Variants in TMPRSS2 observed in about 807,000 individuals in gnomAD.
The protein encoded by TMPRSS2 is transmembrane serine protease 2.
A neutral mutation model predicts 67.4 loss-of-function variants in TMPRSS2; 59 were observed. The ratio of observed to expected loss-of-function variants is 0.88; its 90% CI spans 0.71 to 1.09. The LOEUF (loss-of-function observed/expected upper bound fraction) is 1.09, where lower values mean the gene tolerates loss of function less well. Ranked by LOEUF, TMPRSS2 falls within the 50% of genes least tolerant of loss-of-function variation. The pLI is 0.00. For synonymous variants in TMPRSS2, 257 were observed against 257.0 expected (o/e 1.00, Z 0.00); for missense variants, 668 against 642.7 (o/e 1.04, Z -0.43).
In TMPRSS2 at chr21:41,478,311, C is replaced by T. The variant is rs543337196; in HGVS notation, c.683+861G>A. Among the ~76,000 whole-genome samples the T allele has an allele frequency of 5.9e-5, 9 of 152,242 alleles. No individual in the cohort carries two copies. The South Asian group carries it at 1.2e-3, about 21-fold the overall frequency. ...GCTCCCACTCAGAGGAAAGGTGGCG[C>T]GGGGTGATTAGTTCATCCTCCCCCG... On this transcript the variant is annotated intron_variant, in intron 7 of 13. Transcript: ENST00000332149. This position sits in a 1 kb window ranked among gnomAD's most constrained non-coding sequence, Gnocchi z 4.0.
At chr21:41,506,170 G>T (rs771170456) in intron 1 of TMPRSS2, among the ~76,000 whole-genome samples, 7 of 152,202 alleles carry the variant, frequency 4.6e-5, no homozygotes, top group Admixed American at 6.5e-5. Context: ...AGCAACCTGG[G>T]AGGCCCTGCC....
At chr21:41,493,456 C>T (rs879562640) in intron 3 of TMPRSS2, among the ~76,000 whole-genome samples, 2 of 152,120 alleles carry the variant, frequency 1.3e-5, no homozygotes, top group Non-Finnish European at 2.9e-5. Context: ...AGAGCACTGG[C>T]ATTAATCACG....
intron 3 of TMPRSS2, among the ~76,000 whole-genome samples, chr21:41,491,761 G>A (rs2091338268): frequency 6.6e-6 from 1 of 152,260 alleles, no homozygotes; most frequent in Non-Finnish European, 1.5e-5. Context: ...GTTCTCACCA[G>A]GAGAGTGTGT....
intron 2 of TMPRSS2, among the ~76,000 whole-genome samples, chr21:41,497,416 G>A (rs929426629): frequency 6.6e-6 from 1 of 152,182 alleles, no homozygotes; most frequent in African/African-American, 2.4e-5. Context: ...GGGAGTCAGA[G>A]GCTGCAATCT....
chr21:41,491,251 A>C (rs417443), intron 3 of TMPRSS2, among the ~76,000 whole-genome samples: 12 of 150,590 alleles, frequency 8.0e-5, no homozygotes, highest in African/African-American at 2.9e-4. Context: ...CCACCTCCTG[A>C]GCTCAAGCCA....
chr21:41,470,522 G>T (rs1028185994), intron 11 of TMPRSS2, 126 bp downstream of exon 11: 2 of 832,414 alleles, frequency 2.4e-6, no homozygotes, highest in South Asian at 1.7e-5. Context: ...CAAGGACTGG[G>T]GGAATCAACC....
intron 2 of TMPRSS2, among the ~76,000 whole-genome samples, chr21:41,497,839 T>A (rs1341899238): frequency 6.6e-6 from 1 of 152,200 alleles, no homozygotes; most frequent in African/African-American, 2.4e-5. Context: ...CCACTCCTTG[T>A]CCCTGCCCCC....
intron 11 of TMPRSS2, among the ~76,000 whole-genome samples, chr21:41,469,937 G>A (rs1019298835): frequency 2.0e-5 from 3 of 152,104 alleles, no homozygotes; most frequent in Non-Finnish European, 4.4e-5. Context: ...CTCTACTGTA[G>A]TAAGTTTCTG....
At chr21:41,490,217 A>G (rs1383862509) in intron 3 of TMPRSS2, among the ~76,000 whole-genome samples, 3 of 152,128 alleles carry the variant, frequency 2.0e-5, no homozygotes, top group Non-Finnish European at 4.4e-5. Flanking sequence ...TAAAAAAAAA[A>G]AAAGAACTAA....
chr21:41,496,915 A>G (rs2091387521), intron 2 of TMPRSS2, among the ~76,000 whole-genome samples: 1 of 131,480 alleles, frequency 7.6e-6, no homozygotes, highest in South Asian at 2.4e-4. Flanking sequence ...ATCTTGGCTC[A>G]CCGCAACCTC....
At chr21:41,477,099 G>C (rs1401815617) in intron 7 of TMPRSS2, among the ~76,000 whole-genome samples, 1 of 152,214 alleles carries the variant, frequency 6.6e-6, no homozygotes, top group Non-Finnish European at 1.5e-5. Context: ...AAACATCCCA[G>C]GTTATGGATG....
Position 41,465,880 on chromosome 21 carries a change from C to A in TMPRSS2, c.*262G>T, listed in dbSNP as rs2091079173. 1.8e-6 allele frequency: 1 copy of A among 548,834 alleles called. No homozygotes were observed. Among genetic ancestry groups the A allele is most frequent in the Non-Finnish European group, 3.3e-6 (1 of 305,620 alleles). The allele number at this position is 548,834 out of a possible 1,614,324, so 34.0% of individuals were successfully genotyped here. On this transcript the variant is annotated 3_prime_UTR_variant, in exon 14 of 14. Coordinates refer to ENST00000332149, the MANE Select transcript of TMPRSS2 (RefSeq NM_005656.4). ...GATCTCAATGGGGCAGCCTCCACCC[C>A]TCTCCTCCACACTTGACCGCCAGTG...
chr21:41,473,661 G>A (rs991472110), intron 8 of TMPRSS2, among the ~76,000 whole-genome samples, 165 bp from the exon 9 acceptor site: 15 of 151,894 alleles, frequency 9.9e-5, no homozygotes, highest in Non-Finnish European at 1.9e-4. Flanking sequence ...TTGGGGAAGG[G>A]AGGATGCCCC....
intron 1 of TMPRSS2, among the ~76,000 whole-genome samples, chr21:41,502,135 C>T (rs1050703602): frequency 6.6e-6 from 1 of 152,246 alleles, no homozygotes; most frequent in African/African-American, 2.4e-5. Flanking sequence ...GAGTCACCTG[C>T]CTGGCCACCA....
chr21:41,498,118 C>T lies in TMPRSS2; in HGVS notation c.15+1G>A. 6.2e-7 allele frequency: 1 copy of T among 1,606,292 alleles called. No homozygotes were observed. The highest frequency in any genetic ancestry group is 8.5e-7 in the Non-Finnish European group (1 of 1,173,526). On this transcript the variant is annotated splice_donor_variant, in intron 2 of 13. Coordinates refer to ENST00000332149, the MANE Select transcript of TMPRSS2 (RefSeq NM_005656.4). LOFTEE classifies it high-confidence loss of function. Reference sequence around the variant, plus strand: ...CAGGAAGGTAATAATTAACCACTTACTGAGTTCAAAGCCATCTTGCTGTTA... The same window carrying T: ...CAGGAAGGTAATAATTAACCACTTATTGAGTTCAAAGCCATCTTGCTGTTA...
intron 3 of TMPRSS2, among the ~76,000 whole-genome samples, chr21:41,493,242 GAAGGGAAAGA>G (rs1437966146): frequency 1.3e-5 from 2 of 152,168 alleles, no homozygotes; most frequent in Non-Finnish European, 2.9e-5. Context: ...AGCATCGGAA[GAAGGGAAAGA>G]GAGAATGAGA....
intron 10 of TMPRSS2, 54 bp from the exon 11 acceptor site, chr21:41,470,797 A>C: frequency 8.4e-6 from 6 of 712,710 alleles, no homozygotes; most frequent in Non-Finnish European, 1.2e-5. Context: ...CTATGTCTCC[A>C]CCTGGCCTTC....
intron 3 of TMPRSS2, among the ~76,000 whole-genome samples, chr21:41,493,020 G>A (rs373940448): frequency 6.6e-6 from 1 of 152,178 alleles, no homozygotes; most frequent in Non-Finnish European, 1.5e-5. Flanking sequence ...CTGTCGGGGG[G>A]CTGTCTTGTG....
At chr21:41,468,580 A>G in intron 11 of TMPRSS2, 42 bp from the exon 12 acceptor site, 1 of 1,609,106 alleles carries the variant, frequency 6.2e-7, no homozygotes, top group South Asian at 1.1e-5. Flanking sequence ...TGTTGCCTGC[A>G]GCTCTCGCAG....
Sources: allele counts gnomAD v4.1 joint callset (sites outside exome capture counted in the v4.1 genomes callset), GRCh38; gene constraint gnomAD v4.1.1; non-coding constraint Gnocchi (gnomAD v3.1); transcripts MANE v1.5; gene names NCBI Gene and HGNC (gene_info 2026-07-23, HGNC 2026-07-21).